Variants in PBX3 observed in about 807,000 individuals in gnomAD.
The protein encoded by PBX3 is PBX homeobox 3.
A neutral mutation model predicts 48.5 loss-of-function variants in PBX3; 14 were observed. The observed-to-expected ratio is 0.29, with a 90% CI of 0.19 to 0.45. The LOEUF (loss-of-function observed/expected upper bound fraction) is 0.45. Ranked by LOEUF, PBX3 falls within the 20% of genes least tolerant of loss-of-function variation. PBX3 has a pLI of 1.00. For missense variants in PBX3, 386 were observed against 546.7 expected, an observed-to-expected ratio of 0.71 and a Z score of 2.93; for synonymous variants, 210 against 200.3, an observed-to-expected ratio of 1.05 and a Z score of -0.41.
chr9:125,840,332 T>C (rs897789164), intron 2 of PBX3, among the ~76,000 whole-genome samples: 1 of 152,044 alleles, frequency 6.6e-6, no homozygotes, highest in Non-Finnish European at 1.5e-5. Context: ...TTAATAGTGT[T>C]CTTCTGGTCA....
intron 2 of PBX3, among the ~76,000 whole-genome samples, chr9:125,839,755 C>T (rs558268023): frequency 2.0e-5 from 3 of 151,950 alleles, no homozygotes; most frequent in Admixed American, 6.6e-5. Context: ...CATGAAAGGC[C>T]GAGGAAAGCA....
chr9:125,906,525 A>G (rs1026465750), intron 2 of PBX3, among the ~76,000 whole-genome samples: 1 of 152,046 alleles, frequency 6.6e-6, no homozygotes, highest in African/African-American at 2.4e-5. Flanking sequence ...AAGGAAATGA[A>G]TACAAAGATA....
chr9:125,822,237 G>A (rs1838673506), intron 2 of PBX3, among the ~76,000 whole-genome samples: 2 of 152,074 alleles, frequency 1.3e-5, no homozygotes. Context: ...CAAATATATT[G>A]TTTCTTCTTT....
chr9:125,840,111 A>G (rs1839247930), intron 2 of PBX3, among the ~76,000 whole-genome samples: 1 of 152,116 alleles, frequency 6.6e-6, no homozygotes, highest in Admixed American at 6.5e-5. Context: ...TTTTTTAAAT[A>G]TCTTAAATAG....
At chr9:125,867,819 CACAT>C (rs899788870) in intron 2 of PBX3, among the ~76,000 whole-genome samples, 1 of 151,264 alleles carries the variant, frequency 6.6e-6, no homozygotes, top group African/African-American at 2.4e-5. Flanking sequence ...TATATATATA[CACAT>C]ACATATATAT....
At chr9:125,880,131 G>C (rs566893207) in intron 2 of PBX3, among the ~76,000 whole-genome samples, 1 of 152,138 alleles carries the variant, frequency 6.6e-6, no homozygotes, top group African/African-American at 2.4e-5. Context: ...TGCACCCTCC[G>C]CCTCCCGGGT....
intron 2 of PBX3, among the ~76,000 whole-genome samples, chr9:125,821,144 A>AT (rs1838640777): frequency 6.6e-6 from 1 of 152,074 alleles, no homozygotes; most frequent in African/African-American, 2.4e-5. Context: ...TAGGTGGTTA[A>AT]TTTTTTCTTT....
At chr9:125,870,112 G>C (rs1457990061) in intron 2 of PBX3, among the ~76,000 whole-genome samples, 1 of 150,670 alleles carries the variant, frequency 6.6e-6, no homozygotes, top group African/African-American at 2.4e-5. Flanking sequence ...CACTATCTCA[G>C]CTCACTGAGA....
At chr9:125,747,835 G>C (rs1233118797) in intron 1 of PBX3, among the ~76,000 whole-genome samples, 182 bp downstream of exon 1, 1 of 151,636 alleles carries the variant, frequency 6.6e-6, no homozygotes, top group African/African-American at 2.4e-5. Context: ...GCGGGCGGGA[G>C]TCGGCAAAGT....
intron 2 of PBX3, among the ~76,000 whole-genome samples, chr9:125,796,922 T>C (rs778062493): frequency 5.3e-5 from 8 of 152,162 alleles, no homozygotes; most frequent in Non-Finnish European, 1.2e-4. Flanking sequence ...AGATTTATCA[T>C]ATTTAAAAAT....
At chr9:125,893,225 C>T (rs1371717591) in intron 2 of PBX3, among the ~76,000 whole-genome samples, 1 of 152,128 alleles carries the variant, frequency 6.6e-6, no homozygotes, top group African/African-American at 2.4e-5. Context: ...TTTATGCTTT[C>T]CCTTTCATAG....
chr9:125,843,085 T>A (rs779728432), intron 2 of PBX3, among the ~76,000 whole-genome samples: 13 of 152,100 alleles, frequency 8.5e-5, no homozygotes, highest in Non-Finnish European at 1.9e-4. Context: ...AATATTAAGA[T>A]GTTTTATTTT....
chr9:125,834,785 G>A (rs1023572533), intron 2 of PBX3, among the ~76,000 whole-genome samples: 6 of 150,442 alleles, frequency 4.0e-5, no homozygotes, highest in African/African-American at 1.5e-4. Context: ...GGAGGCTGAG[G>A]TGGGTGGATC....
At chr9:125,839,002 C>G (rs916859583) in intron 2 of PBX3, among the ~76,000 whole-genome samples, 1 of 152,054 alleles carries the variant, frequency 6.6e-6, no homozygotes, top group Admixed American at 6.5e-5. Flanking sequence ...GCTTAACACA[C>G]GGAGGGGAAT....
chr9:125,750,781 TCCTGC>T (rs1836352250), intron 2 of PBX3, among the ~76,000 whole-genome samples: 1 of 152,204 alleles, frequency 6.6e-6, no homozygotes, highest in African/African-American at 2.4e-5. Flanking sequence ...AGAGGCATCT[TCCTGC>T]TAGCCTCTCT....
chr9:125,919,390 TG>T (rs1321826919), intron 3 of PBX3, among the ~76,000 whole-genome samples: 6 of 145,094 alleles, frequency 4.1e-5, no homozygotes, highest in Admixed American at 2.1e-4. Flanking sequence ...TTTGTATTTT[TG>T]GTAGAGACGG....
intron 5 of PBX3, among the ~76,000 whole-genome samples, chr9:125,936,910 G>T (rs10987049): frequency 2.6e-5 from 4 of 151,972 alleles, no homozygotes; most frequent in Non-Finnish European, 4.4e-5. Flanking sequence ...GGGTTAGCCA[G>T]AGAAGACAAA....
chr9:125,955,295 C>G (rs1842281425), intron 5 of PBX3, among the ~76,000 whole-genome samples: 1 of 152,118 alleles, frequency 6.6e-6, no homozygotes, highest in Non-Finnish European at 1.5e-5. Context: ...CTTCCTCAGC[C>G]AGAACCCACC....
At chr9:125,849,939 T>C (rs560518608) in intron 2 of PBX3, among the ~76,000 whole-genome samples, 121 of 152,118 alleles carry the variant, frequency 8.0e-4, no homozygotes, top group Middle Eastern at 3.4e-3. Context: ...CATAGGTATA[T>C]TGGATTATTA....
Sources: gnomAD v4.1 joint callset for allele counts (sites outside exome capture counted in the v4.1 genomes callset) on GRCh38, gnomAD v4.1.1 for gene constraint, MANE v1.5 for transcripts, NCBI Gene and HGNC (gene_info 2026-07-23, HGNC 2026-07-21) for gene names.